Variants in FHOD3 observed in about 807,000 individuals in gnomAD.
The protein encoded by FHOD3 is formin homology 2 domain containing 3, also known as FH1/FH2 domain-containing protein 3.
FHOD3 carries 90 observed loss-of-function variants against 173.0 expected under a neutral mutation model. The ratio of observed to expected loss-of-function variants is 0.52; its 90% CI spans 0.44 to 0.62. The LOEUF is 0.62. Ranked by LOEUF, FHOD3 falls within the 20% of genes least tolerant of loss-of-function variation. The pLI is 0.00. For missense variants in FHOD3, 1,945 were observed against 2,034.7 expected (o/e 0.96, Z 0.85); for synonymous variants, 828 against 823.0 (o/e 1.01, Z -0.10).
At chr18:36,512,750 A>G (rs374102209) in intron 5 of FHOD3, among the ~76,000 whole-genome samples, 15 of 152,258 alleles carry the variant, frequency 9.9e-5, no homozygotes, top group African/African-American at 3.4e-4. Flanking sequence ...ATTTTTACTG[A>G]CTTTCACCTG....
intron 5 of FHOD3, among the ~76,000 whole-genome samples, chr18:36,515,210 GTTTA>G (rs2055898665): frequency 3.3e-5 from 5 of 152,152 alleles, no homozygotes; most frequent in African/African-American, 1.2e-4. Flanking sequence ...GCTTACAGCC[GTTTA>G]TTTTATTTAT....
At chr18:36,615,969 C>G (rs2033159035) in intron 9 of FHOD3, among the ~76,000 whole-genome samples, 1 of 152,320 alleles carries the variant, frequency 6.6e-6, no homozygotes, top group African/African-American at 2.4e-5. Flanking sequence ...AGCTGGCCAG[C>G]TCTTTGTGCG....
intron 1 of FHOD3, among the ~76,000 whole-genome samples, chr18:36,348,238 G>T (rs2045957479): frequency 1.3e-5 from 2 of 152,190 alleles, no homozygotes. Flanking sequence ...CAAGCTTCAT[G>T]GCTGCCTAGC....
chr18:36,694,300 C>A (rs1450275509), intron 17 of FHOD3, among the ~76,000 whole-genome samples: 1 of 152,176 alleles, frequency 6.6e-6, no homozygotes, highest in Non-Finnish European at 1.5e-5. Context: ...TTAATTTAAA[C>A]AAGGCCGGAC....
At chr18:36,654,669 G>A (rs1405566167) in intron 13 of FHOD3, among the ~76,000 whole-genome samples, 1 of 152,156 alleles carries the variant, frequency 6.6e-6, no homozygotes, top group Non-Finnish European at 1.5e-5. Context: ...AGGTGGGCAC[G>A]TAGACAGAGA....
intron 24 of FHOD3, among the ~76,000 whole-genome samples, chr18:36,749,126 T>C (rs548577836): frequency 6.6e-6 from 1 of 152,338 alleles, no homozygotes; most frequent in Non-Finnish European, 1.5e-5. Flanking sequence ...AACCTACTTT[T>C]TGAAACTGTT....
chr18:36,302,025 A>T (rs1167876508), intron 1 of FHOD3, among the ~76,000 whole-genome samples: 3 of 152,228 alleles, frequency 2.0e-5, no homozygotes, highest in Non-Finnish European at 2.9e-5. Context: ...CCAAGTACTG[A>T]TACTGTTGCA....
At chr18:36,745,066 G>A (rs1257792776) in intron 23 of FHOD3, among the ~76,000 whole-genome samples, 2 of 152,116 alleles carry the variant, frequency 1.3e-5, no homozygotes, top group African/African-American at 4.8e-5. Flanking sequence ...AGAGTGGTGG[G>A]CAAAGGTGGG....
intron 3 of FHOD3, among the ~76,000 whole-genome samples, chr18:36,454,420 T>C (rs73421025): frequency 0.15 from 22,541 of 152,096 alleles, 3,789 homozygotes; most frequent in African/African-American, 0.41. Flanking sequence ...ACCCTTCCCT[T>C]ACCCTCTCAA....
At chr18:36,568,614 A>G (rs899097829) in intron 5 of FHOD3, among the ~76,000 whole-genome samples, 1 of 152,050 alleles carries the variant, frequency 6.6e-6, no homozygotes, top group Non-Finnish European at 1.5e-5. Flanking sequence ...GTACACATAC[A>G]GAGCTCAACC....
chr18:36,577,339 T>G (rs993750687), intron 6 of FHOD3, among the ~76,000 whole-genome samples: 2 of 152,146 alleles, frequency 1.3e-5, no homozygotes, highest in African/African-American at 4.8e-5. Context: ...TCTTATACTC[T>G]GTTGCCAGGC....
intron 14 of FHOD3, among the ~76,000 whole-genome samples, chr18:36,658,634 G>A (rs747117224): frequency 6.6e-6 from 1 of 152,160 alleles, no homozygotes; most frequent in Admixed American, 6.5e-5. Flanking sequence ...GAAAAGAATT[G>A]TATGGGTACA....
At chr18:36,470,557 G>A (rs574260727) in intron 3 of FHOD3, among the ~76,000 whole-genome samples, 4 of 152,236 alleles carry the variant, frequency 2.6e-5, no homozygotes, top group South Asian at 2.1e-4. Context: ...AAACCTATAT[G>A]GTTGTATAAT....
At chr18:36,569,679 C>T (rs1482741632) in intron 5 of FHOD3, among the ~76,000 whole-genome samples, 2 of 152,088 alleles carry the variant, frequency 1.3e-5, no homozygotes, top group African/African-American at 4.8e-5. Flanking sequence ...TAAATCATAT[C>T]ATGGGTCACA....
Position 36,430,490 on chromosome 18 carries a change from T to C in FHOD3, c.337+57746T>C, listed in dbSNP as rs535534202. On this transcript the variant is annotated intron_variant, in intron 3 of 28. Coordinates refer to ENST00000590592, the MANE Select transcript of FHOD3 (RefSeq NM_001281740.3). ...CTCGGCCTCCCAAAAGTGCTGGGAT[T>C]ACAGGCGTGAGCCACCGTGCCCAGC... 3.9e-5 allele frequency among the ~76,000 whole-genome samples: 6 copies of C among 152,360 alleles called. No individual in the cohort carries two copies. In the South Asian group the frequency reaches 1.2e-3, roughly 32 times the overall value.
At chr18:36,300,542 G>C (rs60331744) in intron 1 of FHOD3, among the ~76,000 whole-genome samples, 33,405 of 152,122 alleles carry the variant, frequency 0.22, 4,702 homozygotes, top group East Asian at 0.44. Context: ...CCTGCCACCA[G>C]TGAGGCTTTT....
intron 3 of FHOD3, among the ~76,000 whole-genome samples, chr18:36,418,933 A>T (rs565732481): frequency 1.4e-4 from 22 of 152,264 alleles, no homozygotes; most frequent in Non-Finnish European, 2.8e-4. Flanking sequence ...TTAATAAAAT[A>T]AATCTGCATG....
At chr18:36,458,666 G>GTTTT (rs35141522) in intron 3 of FHOD3, among the ~76,000 whole-genome samples, 1 of 104,716 alleles carries the variant, frequency 9.5e-6, no homozygotes, top group Non-Finnish European at 2.0e-5. Flanking sequence ...TTTTTGTTAG[G>GTTTT]TTTTTTTTTT....
At chr18:36,348,431 G>T (rs1486193679) in intron 1 of FHOD3, among the ~76,000 whole-genome samples, 6 of 152,216 alleles carry the variant, frequency 3.9e-5, no homozygotes, top group Non-Finnish European at 8.8e-5. Flanking sequence ...TCATTTATGA[G>T]CCAAGAGTGG....
Sources: allele counts gnomAD v4.1 joint callset (sites outside exome capture counted in the v4.1 genomes callset), GRCh38; gene constraint gnomAD v4.1.1; transcripts MANE v1.5; gene names NCBI Gene and HGNC (gene_info 2026-07-23, HGNC 2026-07-21).